Variants in PCDHA6 observed in about 807,000 individuals in gnomAD.
The protein encoded by PCDHA6 is protocadherin alpha 6, also known as protocadherin alpha-6.
Under a neutral mutation model 60.3 loss-of-function variants are expected in PCDHA6, and 55 were observed. The ratio of observed to expected loss-of-function variants is 0.91; its 90% CI spans 0.73 to 1.14. The LOEUF (loss-of-function observed/expected upper bound fraction) is 1.14. PCDHA6 is among the 50% of genes most tolerant of loss of function. The pLI is 0.00. For synonymous variants in PCDHA6, 652 were observed against 557.9 expected (o/e 1.17, Z -2.38); for missense variants, 1,327 against 1,256.5 (o/e 1.06, Z -0.85).
intron 1 of PCDHA6, chr5:140,969,021 C>T (rs2096289420): frequency 8.1e-6 from 13 of 1,614,146 alleles, no homozygotes; most frequent in Non-Finnish European, 1.1e-5. Context: ...AGGGAAAGGT[C>T]CCCTGCAGAA....
intron 1 of PCDHA6, among the ~76,000 whole-genome samples, chr5:140,904,023 A>G (rs2070780912): frequency 1.3e-5 from 2 of 152,198 alleles, no homozygotes; most frequent in Admixed American, 6.5e-5. Flanking sequence ...AAATAATGGT[A>G]TAATTTAACT....
chr5:140,836,830 G>T, intron 1 of PCDHA6: 1 of 945,180 alleles, frequency 1.1e-6, no homozygotes, highest in South Asian at 1.8e-5. Context: ...TTTTTTAGTT[G>T]ATAGCTTTAT....
At chr5:140,951,234 C>A (rs1003242029) in intron 1 of PCDHA6, among the ~76,000 whole-genome samples, 2 of 152,028 alleles carry the variant, frequency 1.3e-5, no homozygotes. Flanking sequence ...ATGGTCTTTA[C>A]CTTTAGGAAT....
intron 1 of PCDHA6, chr5:140,834,849 G>A: frequency 6.2e-7 from 1 of 1,610,850 alleles, no homozygotes; most frequent in East Asian, 2.2e-5. Flanking sequence ...TCCACTAGAG[G>A]GCGCGTCCGA....
At chr5:140,880,083 A>G (rs1453702460) in intron 1 of PCDHA6, among the ~76,000 whole-genome samples, 2 of 152,242 alleles carry the variant, frequency 1.3e-5, no homozygotes, top group African/African-American at 4.8e-5. Context: ...TCAACCTATT[A>G]TAGTAGGCTT....
chr5:140,983,146 G>T (rs894953025), intron 3 of PCDHA6, among the ~76,000 whole-genome samples: 3 of 152,140 alleles, frequency 2.0e-5, no homozygotes, highest in Non-Finnish European at 4.4e-5. Flanking sequence ...TAGTGCCTTG[G>T]CATGCATGTT....
At chr5:140,898,748 G>C (rs1397892217) in intron 1 of PCDHA6, among the ~76,000 whole-genome samples, 44 of 152,222 alleles carry the variant, frequency 2.9e-4, no homozygotes, top group Non-Finnish European at 5.0e-4. Context: ...TAGCTTGATG[G>C]GGATGGCATT....
chr5:140,867,957 CA>C (rs1271215913), intron 1 of PCDHA6: 1 of 152,006 alleles, frequency 6.6e-6, no homozygotes, highest in Non-Finnish European at 1.5e-5. Flanking sequence ...CTCCCAAACC[CA>C]AAATTCTTTC....
At chr5:140,863,211 C>G in intron 1 of PCDHA6, 5 of 1,030,298 alleles carry the variant, frequency 4.9e-6, no homozygotes, top group Non-Finnish European at 7.2e-6. Context: ...CGGAGAGCAG[C>G]CAAGCGAGGA....
At chr5:140,954,007 C>T (rs1277033706) in intron 1 of PCDHA6, among the ~76,000 whole-genome samples, 4 of 152,144 alleles carry the variant, frequency 2.6e-5, no homozygotes, top group Non-Finnish European at 4.4e-5. Flanking sequence ...CATCATTCAG[C>T]TCCCACACAT....
chr5:140,846,036 T>A (rs2150383909), intron 1 of PCDHA6, among the ~76,000 whole-genome samples: 1 of 149,754 alleles, frequency 6.7e-6, no homozygotes, highest in Non-Finnish European at 1.5e-5. Context: ...TTTAGGAAAG[T>A]CAAGTTAACA....
intron 1 of PCDHA6, chr5:140,930,027 T>A (rs1554207548): frequency 6.6e-6 from 1 of 152,190 alleles, no homozygotes; most frequent in Non-Finnish European, 1.5e-5. Context: ...CATAGCAGTG[T>A]TTTGTAACTG....
intron 1 of PCDHA6, chr5:140,836,037 C>T: frequency 6.2e-7 from 1 of 1,613,440 alleles, no homozygotes; most frequent in Non-Finnish European, 8.5e-7. Flanking sequence ...CGTGACGCTG[C>T]AGGTGTTCGT....
intron 1 of PCDHA6, chr5:140,968,014 A>G: frequency 6.2e-7 from 1 of 1,614,194 alleles, no homozygotes; most frequent in Non-Finnish European, 8.5e-7. Flanking sequence ...ATGGCTTTGG[A>G]AACTCCTATA....
chr5:140,869,204 C>G (rs199956165), intron 1 of PCDHA6: 29 of 1,613,960 alleles, frequency 1.8e-5, no homozygotes, highest in Non-Finnish European at 2.4e-5. Flanking sequence ...CTCCACTACT[C>G]CGTCTCGGAG....
intron 1 of PCDHA6, chr5:140,884,558 C>T: frequency 3.7e-6 from 6 of 1,614,146 alleles, no homozygotes; most frequent in Non-Finnish European, 5.1e-6. Flanking sequence ...TGGGGAGGGC[C>T]CGCATAAGAC....
At chr5:140,907,287 G>C (rs1179027055) in intron 1 of PCDHA6, among the ~76,000 whole-genome samples, 1 of 152,178 alleles carries the variant, frequency 6.6e-6, no homozygotes, top group Non-Finnish European at 1.5e-5. Flanking sequence ...TATCAATCCA[G>C]CTGCTTCAGG....
chr5:140,861,521 G>T, intron 1 of PCDHA6: 1 of 460,572 alleles, frequency 2.2e-6, no homozygotes, highest in Non-Finnish European at 4.5e-6. Flanking sequence ...TGTGTGGGAG[G>T]ATCTCGGAGT....
intron 1 of PCDHA6, among the ~76,000 whole-genome samples, chr5:140,839,382 TGA>T (rs1562376295): frequency 0.03 from 2 of 66 alleles, no homozygotes; most frequent in South Asian, 0.071. Flanking sequence ...TCAATTATTA[TGA>T]TGATGATGAT....
Sources: gnomAD v4.1 joint callset for allele counts (sites outside exome capture counted in the v4.1 genomes callset) on GRCh38, gnomAD v4.1.1 for gene constraint, MANE v1.5 for transcripts, NCBI Gene and HGNC (gene_info 2026-07-23, HGNC 2026-07-21) for gene names.